Variants in NAALADL2 observed in about 807,000 individuals in gnomAD.
NAALADL2 encodes N-acetylated alpha-linked acidic dipeptidase like 2.
NAALADL2 carries 76 observed loss-of-function variants against 87.2 expected under a neutral mutation model. That is an observed-to-expected ratio of 0.87 (90% confidence interval 0.72 to 1.05). NAALADL2 has a LOEUF of 1.05. Among genes scored for constraint, NAALADL2 ranks in the 50% least tolerant of loss-of-function variants. The pLI, the probability that NAALADL2 is intolerant of heterozygous loss-of-function variation, is 0.00. For synonymous variants in NAALADL2, 354 were observed against 331.0 expected (o/e 1.07, Z -0.75); for missense variants, 1,089 against 945.8 (o/e 1.15, Z -1.99).
In NAALADL2 at chr3:174,848,466, T is replaced by C. The variant is rs73047984; in HGVS notation, c.-9+110720T>C. Among the ~76,000 whole-genome samples the C allele has an allele frequency of 9.1e-3, 1,379 of 152,254 alleles. 19 individuals are homozygous for C. Among genetic ancestry groups the C allele is most frequent in the African/African-American group, 0.031 (1,304 of 41,554 alleles). On this transcript the variant is annotated intron_variant, in intron 3 of 3. Coordinates refer to the NAALADL2 transcript ENST00000434257. Reference sequence around the variant, plus strand: ...AGAAGTGGGATTTTGGAAACATGAATAGGTGATGTGGTTGAATATAATGTT... The same window carrying C: ...AGAAGTGGGATTTTGGAAACATGAACAGGTGATGTGGTTGAATATAATGTT...
chr3:175,433,856 A>G (rs1718192840), intron 5 of NAALADL2, among the ~76,000 whole-genome samples: 1 of 151,996 alleles, frequency 6.6e-6, no homozygotes, highest in African/African-American at 2.4e-5. Flanking sequence ...TTAATAGAAT[A>G]TTTCTGACTG....
chr3:175,174,490 C>T (rs114714623), intron 2 of NAALADL2, among the ~76,000 whole-genome samples: 1,697 of 151,516 alleles, frequency 0.011, 29 homozygotes, highest in African/African-American at 0.04. Flanking sequence ...TATATAAGAA[C>T]ATGAAAATGA....
Position 174,488,652 on chromosome 3 carries a change from C to T in NAALADL2, c.-184+47620C>T, listed in dbSNP as rs367681575. Among the ~76,000 whole-genome samples, 10 of 151,898 alleles carry T rather than the reference C, an allele frequency of 6.6e-5. No individual in the cohort carries two copies. The South Asian group carries it at 8.3e-4, about 13-fold the overall frequency. On this transcript the variant is annotated intron_variant, in intron 1 of 3. Transcript: ENST00000434257. ...GTTCTTAGTTGACTGTTTTTTTTCA[C>T]AATCTCATGGAATTCCTCCAAATTT...
intron 1 of NAALADL2, among the ~76,000 whole-genome samples, chr3:174,939,635 C>T (rs931985181): frequency 3.3e-5 from 5 of 151,980 alleles, no homozygotes; most frequent in South Asian, 2.1e-4. Context: ...TCTTCCTATA[C>T]GTGAGCATGG....
chr3:174,645,879 G>C (rs984910950), intron 2 of NAALADL2, among the ~76,000 whole-genome samples: 1 of 152,056 alleles, frequency 6.6e-6, no homozygotes, highest in Non-Finnish European at 1.5e-5. Context: ...ATATTTTCTG[G>C]AGTCATGCTG....
intron 5 of NAALADL2, among the ~76,000 whole-genome samples, chr3:175,431,469 A>T (rs1462986602): frequency 2.0e-5 from 3 of 152,004 alleles, no homozygotes; most frequent in African/African-American, 7.2e-5. Flanking sequence ...CTGTGGAGCT[A>T]AAGGCACTTT....
intron 2 of NAALADL2, among the ~76,000 whole-genome samples, chr3:174,561,354 C>T (rs926320054): frequency 6.6e-6 from 1 of 151,986 alleles, no homozygotes; most frequent in African/African-American, 2.4e-5. Context: ...CATGTGCCAC[C>T]ATGCCCAGCT....
In NAALADL2 at chr3:175,576,138, T is replaced by C. The variant is rs2149557022; in HGVS notation, c.1751T>C (p.Leu584Pro). ...GATGCTGATTATTTCATCAACCATC[T>C]TGGAGTTCCCATCGTGCAGTTTGCT... ...QGDADYFINHLGVPIVQFAYE... is the reference protein window; with the variant it reads ...QGDADYFINHPGVPIVQFAYE... The change falls in exon 10 of 14, where the codon CTT becomes CCT. Residue 584 changes from leucine to proline, a missense_variant. Coordinates refer to ENST00000454872, the MANE Select transcript of NAALADL2 (RefSeq NM_207015.3). 2 of 1,613,918 alleles carry C rather than the reference T, an allele frequency of 1.2e-6. No homozygotes were observed. The highest frequency in any genetic ancestry group is 2.2e-5 in the East Asian group (1 of 44,868).
Position 175,771,706 on chromosome 3 carries a change from G to C in NAALADL2, c.2189+16288G>C, listed in dbSNP as rs1749509115. ...AAGGAGACTTGTGATTGGATTTAGG[G>C]CTCATTCACATAATACAGGATAATC... On this transcript the variant is annotated intron_variant, in intron 13 of 13. Coordinates refer to ENST00000454872, the MANE Select transcript of NAALADL2 (RefSeq NM_207015.3). Among the ~76,000 whole-genome samples, 3 of 152,018 alleles carry C rather than the reference G, an allele frequency of 2.0e-5. No individual in the cohort carries two copies. In the South Asian group the frequency reaches 6.2e-4, roughly 32 times the overall value.
intron 4 of NAALADL2, among the ~76,000 whole-genome samples, chr3:175,279,148 A>G (rs76529260): frequency 0.02 from 3,045 of 152,270 alleles, 85 homozygotes; most frequent in African/African-American, 0.069. Flanking sequence ...ACTCCCTACA[A>G]GTAATGCGCC....
chr3:174,832,121 T>G (rs527952159), intron 3 of NAALADL2, among the ~76,000 whole-genome samples: 8 of 152,320 alleles, frequency 5.3e-5, no homozygotes, highest in African/African-American at 1.9e-4. Flanking sequence ...AGTTCTGCTC[T>G]GATTTTAGTT....
At chr3:175,136,310 G>T (rs1729107949) in intron 2 of NAALADL2, among the ~76,000 whole-genome samples, 2 of 152,300 alleles carry the variant, frequency 1.3e-5, no homozygotes, top group South Asian at 4.1e-4. Context: ...CTCTAAAGCA[G>T]TTTATCACTG....
At chr3:175,052,660 T>C (rs1755568859) in intron 1 of NAALADL2, among the ~76,000 whole-genome samples, 1 of 151,312 alleles carries the variant, frequency 6.6e-6, no homozygotes, top group African/African-American at 2.4e-5. Context: ...CTGGGATGTT[T>C]TAAATATTTG....
intron 4 of NAALADL2, among the ~76,000 whole-genome samples, chr3:175,261,715 C>T (rs1280126509): frequency 6.6e-6 from 1 of 151,918 alleles, no homozygotes; most frequent in African/African-American, 2.4e-5. Context: ...GGCCAGACAT[C>T]CAAATGATTT....
At chr3:175,798,244 T>A (rs530676051) in intron 13 of NAALADL2, among the ~76,000 whole-genome samples, 37 of 152,192 alleles carry the variant, frequency 2.4e-4, no homozygotes, top group African/African-American at 8.4e-4. Context: ...TTTCTACTAT[T>A]ATAATAAAGA....
chr3:175,602,595 GC>G (rs961797010), intron 10 of NAALADL2, among the ~76,000 whole-genome samples: 9 of 151,912 alleles, frequency 5.9e-5, no homozygotes, highest in African/African-American at 2.2e-4. Flanking sequence ...ATTTAATTCT[GC>G]CTGGGAAGAC....
At chr3:175,669,895 C>A (rs1415430238) in intron 11 of NAALADL2, among the ~76,000 whole-genome samples, 1 of 151,834 alleles carries the variant, frequency 6.6e-6, no homozygotes, top group Non-Finnish European at 1.5e-5. Context: ...CTATTACTAT[C>A]CAATGATAGA....
At chr3:174,684,467 T>C (rs1174210374) in intron 2 of NAALADL2, among the ~76,000 whole-genome samples, 1 of 152,204 alleles carries the variant, frequency 6.6e-6, no homozygotes, top group Non-Finnish European at 1.5e-5. Context: ...TTTTTCAAGC[T>C]AGTTTGAGTA....
intron 1 of NAALADL2, among the ~76,000 whole-genome samples, chr3:174,924,241 G>A (rs111475077): frequency 4.0e-5 from 5 of 123,662 alleles, no homozygotes; most frequent in South Asian, 2.6e-4. Flanking sequence ...GCCCCGGTGC[G>A]TGATGTCCCC....
Sources: gnomAD v4.1 joint callset for allele counts (sites outside exome capture counted in the v4.1 genomes callset) on GRCh38, gnomAD v4.1.1 for gene constraint, MANE v1.5 for transcripts, NCBI Gene and HGNC (gene_info 2026-07-23, HGNC 2026-07-21) for gene names.